GPSM2: variants seen among roughly 807,000 people sequenced by gnomAD.
GPSM2 encodes the protein G protein-signaling modulator 2.
Under a neutral mutation model 78.4 loss-of-function variants are expected in GPSM2, and 58 were observed. The observed-to-expected ratio is 0.74, with a 90% CI of 0.60 to 0.92. The LOEUF is 0.92. GPSM2 is among the 40% of genes least tolerant of loss of function. GPSM2 has a pLI of 0.00. For synonymous variants in GPSM2, 224 were observed against 280.2 expected (o/e 0.80, Z 2.00); for missense variants, 700 against 815.5 (o/e 0.86, Z 1.73).
chr1:108,921,233 A>C (rs1268295177), intron 12 of GPSM2, among the ~76,000 whole-genome samples: 2 of 152,156 alleles, frequency 1.3e-5, no homozygotes, highest in East Asian at 3.9e-4. Context: ...CAGCTTGGCC[A>C]ACACGGCGAA....
chr1:108,911,931 G>A (rs1448385931), intron 10 of GPSM2, among the ~76,000 whole-genome samples: 1 of 150,482 alleles, frequency 6.6e-6, no homozygotes, highest in Non-Finnish European at 1.5e-5. Flanking sequence ...TCAGCCTCCT[G>A]AGTAGCTGGG....
chr1:108,926,319 C>T (rs1461107369), intron 14 of GPSM2: 1 of 151,930 alleles, frequency 6.6e-6, no homozygotes, highest in East Asian at 1.9e-4. Flanking sequence ...AGACATGTGC[C>T]AGGAAGTGAT....
In GPSM2 at chr1:108,896,969, A is replaced by G. The variant is rs1258643393; in HGVS notation, c.162A>G (p.Gly54=). The change falls in exon 3 of 15, where the codon GGA becomes GGG. Residue 54 remains glycine, a synonymous_variant. Coordinates refer to ENST00000264126, the MANE Select transcript of GPSM2 (RefSeq NM_013296.5). ...TCTTTGAAGCTGCAGTTCAAGTTGG[A>G]ACTGAAGACCTAAAAACACTTAGCG... ...VSFFEAAVQV[G]TEDLKTLSAI... 3 of 1,613,988 alleles carry G rather than the reference A, an allele frequency of 1.9e-6. No individual in the cohort carries two copies.
rs1343620306 is a variant in GPSM2 at position 108,917,623 on chromosome 1, T to G, written c.1264-990T>G. Among the ~76,000 whole-genome samples the G allele has an allele frequency of 2.9e-4, 3 of 10,284 alleles. 1 individual carries two copies. The East Asian group carries it at 5.0e-3, about 17-fold the overall frequency. 6.7% of individuals were successfully genotyped at this position (10,284 alleles called of 152,430 possible). ...ACACACACACACACATATATATATA[T>G]ATATATATATATATATATATATATA... On this transcript the variant is annotated intron_variant, in intron 11 of 14. Transcript: ENST00000264126.
At chr1:108,918,547 G>A in intron 11 of GPSM2, 66 bp from the exon 12 acceptor site, 2 of 1,200,888 alleles carry the variant, frequency 1.7e-6, no homozygotes, top group Non-Finnish European at 2.5e-6. Context: ...AATATTATGG[G>A]AAACCAGAAG....
chr1:108,923,856 T>C (rs2101547690), intron 13 of GPSM2, 144 bp from the exon 14 acceptor site: 1 of 680,322 alleles, frequency 1.5e-6, no homozygotes, highest in Middle Eastern at 3.7e-4. Flanking sequence ...AGCCCATCAG[T>C]GTCAGCGCTA....
chr1:108,877,041 GA>G lies in GPSM2; in HGVS notation c.-435del, dbSNP rs1665652959. On this transcript the variant is annotated 5_prime_UTR_variant, in exon 1 of 15. Transcript: ENST00000264126. ...CGGCGGGACCCCTAGGTGGCGGAGG[GA>G]CGCTCCGGGAAAGCGAGGGGCGCTA... 6.6e-6 allele frequency: 1 copy of G among 152,346 alleles called. No individual in the cohort carries two copies. The highest frequency in any genetic ancestry group is 1.5e-5 in the Non-Finnish European group (1 of 68,126). The allele number at this position is 152,346 out of a possible 1,614,324, so 9.4% of individuals were successfully genotyped here. A position where few individuals can be genotyped will look rare whatever the true frequency, so the allele number is the denominator to read the frequency against.
At chr1:108,921,903 T>G (rs1030075223) in intron 12 of GPSM2, among the ~76,000 whole-genome samples, 2 of 152,214 alleles carry the variant, frequency 1.3e-5, no homozygotes, top group Non-Finnish European at 2.9e-5. Context: ...ATTCATCATT[T>G]CAGTTTTGAA....
chr1:108,918,735 A>C lies in GPSM2; in HGVS notation c.1386A>C (p.Lys462Asn). The change falls in exon 12 of 15, where the codon AAA becomes AAC. Residue 462 changes from lysine (K) to asparagine (N), a missense_variant. Coordinates refer to ENST00000264126, the MANE Select transcript of GPSM2 (RefSeq NM_013296.5). ...AATACAAAACGAATTCCTCCACTAA[A>C]GTTCTCCAAGATGCCAGTAATTCTA... ...GKKYKTNSST[K>N]VLQDASNSID... 6.2e-7 allele frequency: 1 copy of C among 1,613,688 alleles called. No individual in the cohort carries two copies. Among genetic ancestry groups the C allele is most frequent in the South Asian group, 1.1e-5 (1 of 91,078 alleles).
chr1:108,914,251 G>C, intron 10 of GPSM2, 87 bp from the exon 11 acceptor site: 1 of 871,748 alleles, frequency 1.1e-6, no homozygotes. Context: ...TTGTGTATCA[G>C]ATTTTAGAAC....
chr1:108,911,355 C>T (rs1438811989), intron 10 of GPSM2, among the ~76,000 whole-genome samples: 1 of 151,990 alleles, frequency 6.6e-6, no homozygotes, highest in Non-Finnish European at 1.5e-5. Context: ...TGGTGAGACC[C>T]CGTCTCTACT....
intron 7 of GPSM2, among the ~76,000 whole-genome samples, chr1:108,900,052 T>C (rs937893514): frequency 1.3e-5 from 2 of 152,178 alleles, no homozygotes; most frequent in African/African-American, 4.8e-5. Flanking sequence ...TATTAAATGG[T>C]GTATCTGTGT....
chr1:108,919,207 C>G (rs1650513958), intron 12 of GPSM2, among the ~76,000 whole-genome samples: 1 of 152,134 alleles, frequency 6.6e-6, no homozygotes, highest in Non-Finnish European at 1.5e-5. Context: ...GGGGTTTCAC[C>G]ACGTTGGCCA....
rs1170580542 is a variant in GPSM2, at chr1:108,905,022, A to G, written c.1192+768A>G. Among the ~76,000 whole-genome samples, 3 of 152,368 alleles carry G rather than the reference A, an allele frequency of 2.0e-5. No individual in the cohort carries two copies. In the East Asian group the frequency reaches 5.8e-4, roughly 29 times the overall value. ...AATATTTTGAATTTTAAAGTCAGTG[A>G]TAAATCTACCTTTACTTTTTCCAAT... On this transcript the variant is annotated intron_variant, in intron 10 of 14. Coordinates refer to ENST00000264126, the MANE Select transcript of GPSM2 (RefSeq NM_013296.5).
intron 10 of GPSM2, 120 bp downstream of exon 10, chr1:108,904,374 A>G: frequency 5.5e-6 from 3 of 541,628 alleles, no homozygotes; most frequent in Non-Finnish European, 1.0e-5. Flanking sequence ...AACTTATTAC[A>G]CTTTTTTGCT....
At chr1:108,901,694 G>A in intron 7 of GPSM2, 96 bp from the exon 8 acceptor site, 1 of 909,086 alleles carries the variant, frequency 1.1e-6, no homozygotes, top group Non-Finnish European at 1.9e-6. Context: ...AAAGACAGCA[G>A]AAAGCAGCAG....
chr1:108,877,449 G>T (rs571271373), intron 1 of GPSM2: 1 of 152,058 alleles, frequency 6.6e-6, no homozygotes, highest in African/African-American at 2.4e-5. Flanking sequence ...GGCTTGAGGA[G>T]TTGCTGCTTT....
intron 10 of GPSM2, among the ~76,000 whole-genome samples, chr1:108,913,710 C>CT (rs1018622202): frequency 3.9e-5 from 6 of 152,044 alleles, no homozygotes; most frequent in Admixed American, 6.6e-5. Flanking sequence ...TGTAATGTTT[C>CT]TTTTTTTAAG....
At chr1:108,899,079 A>T (rs1648601521) in intron 7 of GPSM2, 85 bp downstream of exon 7, 4 of 844,220 alleles carry the variant, frequency 4.7e-6, no homozygotes, top group Non-Finnish European at 7.9e-6. Context: ...ATCTGATTGT[A>T]GCAGAACTTT....
Sources: allele counts gnomAD v4.1 joint callset (sites outside exome capture counted in the v4.1 genomes callset), GRCh38; gene constraint gnomAD v4.1.1; transcripts MANE v1.5; gene names NCBI Gene and HGNC (gene_info 2026-07-23, HGNC 2026-07-21).